The following CEP170 variants were observed in gnomAD, a reference collection of about 807,000 sequenced individuals.
CEP170 encodes the protein centrosomal protein of 170 kDa.
CEP170 carries 21 observed loss-of-function variants against 151.9 expected under a neutral mutation model. That is an observed-to-expected ratio of 0.14 (90% CI 0.10 to 0.20). The LOEUF is 0.20. Ranked by LOEUF, CEP170 falls within the 10% of genes least tolerant of loss-of-function variation. The probability of loss-of-function intolerance (pLI) is 1.00; values close to 1 mark genes in which losing one functional copy is unlikely to be tolerated. For synonymous variants in CEP170, 356 were observed against 648.8 expected, an observed-to-expected ratio of 0.55 and a Z score of 6.86; for missense variants, 964 against 1,892.9, an observed-to-expected ratio of 0.51 and a Z score of 9.11.
intron 1 of CEP170, among the ~76,000 whole-genome samples, chr1:243,249,711 T>C (rs1016919506): frequency 2.0e-5 from 3 of 152,222 alleles, no homozygotes; most frequent in Non-Finnish European, 4.4e-5. Context: ...AAAAGAATTA[T>C]CCATATCCTC....
chr1:243,211,078 T>C (rs1007925672), intron 4 of CEP170: 1 of 129,966 alleles, frequency 7.7e-6, no homozygotes, highest in African/African-American at 2.9e-5. Context: ...AAAGTCCCAA[T>C]AAAAGTAGTA....
chr1:243,228,758 G>A (rs2063493374), intron 1 of CEP170, among the ~76,000 whole-genome samples: 1 of 152,106 alleles, frequency 6.6e-6, no homozygotes, highest in African/African-American at 2.4e-5. Flanking sequence ...GAGTTAATAA[G>A]CATTATTCAT....
At chr1:243,251,622 T>C (rs1252068058) in intron 1 of CEP170, among the ~76,000 whole-genome samples, 1 of 152,172 alleles carries the variant, frequency 6.6e-6, no homozygotes, top group East Asian at 1.9e-4. Context: ...CAATAAATAT[T>C]GTGTTTCAAA....
intron 1 of CEP170, among the ~76,000 whole-genome samples, chr1:243,235,299 A>G (rs1472361310): frequency 6.6e-6 from 1 of 152,228 alleles, no homozygotes; most frequent in Non-Finnish European, 1.5e-5. Context: ...AGAAACTGAC[A>G]TATGCTTAGA....
chr1:243,194,714 G>C (rs1334449159), intron 7 of CEP170, among the ~76,000 whole-genome samples: 1 of 151,588 alleles, frequency 6.6e-6, no homozygotes, highest in African/African-American at 2.4e-5. Context: ...AACACTAACA[G>C]AACATATTCT....
At chr1:243,159,949 T>C (rs1287474547) in intron 13 of CEP170, among the ~76,000 whole-genome samples, 12 of 152,100 alleles carry the variant, frequency 7.9e-5, no homozygotes, top group Non-Finnish European at 1.8e-4. Flanking sequence ...CCACCATGTC[T>C]GGCTAATTTT....
intron 3 of CEP170, among the ~76,000 whole-genome samples, chr1:243,218,994 G>C (rs1383512727): frequency 1.3e-5 from 2 of 152,128 alleles, no homozygotes; most frequent in Non-Finnish European, 2.9e-5. Context: ...TGGATAATAA[G>C]AGTAAATAGG....
chr1:243,221,471 A>T (rs2062813354), intron 3 of CEP170: 1 of 441,324 alleles, frequency 2.3e-6, no homozygotes, highest in South Asian at 4.2e-5. Context: ...CCAACTCCTT[A>T]AAGAAGTCTT....
At chr1:243,142,690 T>C (rs2055990366) in intron 14 of CEP170, among the ~76,000 whole-genome samples, 1 of 152,220 alleles carries the variant, frequency 6.6e-6, no homozygotes, top group Non-Finnish European at 1.5e-5. Context: ...AAAAATGTAC[T>C]TTAAAAGCCC....
chr1:243,187,709 G>GAA (rs1248923105), intron 8 of CEP170, among the ~76,000 whole-genome samples: 8 of 152,164 alleles, frequency 5.3e-5, no homozygotes, highest in African/African-American at 1.9e-4. Flanking sequence ...TTTATAGGTT[G>GAA]TTCCTAATGA....
intron 11 of CEP170, among the ~76,000 whole-genome samples, 191 bp downstream of exon 11, chr1:243,172,506 C>G (rs2148619820): frequency 6.6e-6 from 1 of 152,272 alleles, no homozygotes; most frequent in Non-Finnish European, 1.5e-5. Context: ...GCGGTGCACG[C>G]CTGTAATCAC....
chr1:243,195,095 G>A (rs576018304), intron 7 of CEP170, among the ~76,000 whole-genome samples: 2 of 151,948 alleles, frequency 1.3e-5, no homozygotes, highest in South Asian at 2.1e-4. Context: ...AGCTCATTCT[G>A]CTTAAGACAT....
chr1:243,127,323 C>T (rs1305117363), intron 19 of CEP170, among the ~76,000 whole-genome samples: 1 of 152,172 alleles, frequency 6.6e-6, no homozygotes, highest in African/African-American at 2.4e-5. Flanking sequence ...AACAGACTTG[C>T]TGCCTATATG....
chr1:243,225,159 A>T lies in CEP170; in HGVS notation c.105+17T>A. ...AAGTTTTGAATAAACACATATAGAG[A>T]AGCTTGACACAATTACCTGCAACAT... On this transcript the variant is annotated intron_variant, in intron 2 of 19. Coordinates refer to ENST00000366542, the MANE Select transcript of CEP170 (RefSeq NM_014812.3). 6.6e-7 allele frequency: 1 copy of T among 1,510,590 alleles called. No individual in the cohort carries two copies. Among genetic ancestry groups the T allele is most frequent in the Non-Finnish European group, 9.0e-7 (1 of 1,110,042 alleles). The allele number at this position is 1,510,590 out of a possible 1,614,324, so 93.6% of individuals were successfully genotyped here. A position where few individuals can be genotyped will look rare whatever the true frequency, so the allele number is the denominator to read the frequency against.
chr1:243,154,774 T>C (rs1182012906), intron 14 of CEP170, among the ~76,000 whole-genome samples: 7 of 152,220 alleles, frequency 4.6e-5, no homozygotes, highest in African/African-American at 1.7e-4. Context: ...CCCTCTTCTC[T>C]TTGTATTACA....
At chr1:243,245,987 C>T (rs7548435) in intron 1 of CEP170, among the ~76,000 whole-genome samples, 10,983 of 151,380 alleles carry the variant, frequency 0.073, 1,301 homozygotes, top group African/African-American at 0.25. Context: ...AAAAAAGATA[C>T]GTAATATTCA....
intron 11 of CEP170, 147 bp from the exon 12 acceptor site, chr1:243,169,901 CTT>C (rs1467842914): frequency 7.5e-6 from 7 of 929,588 alleles, no homozygotes; most frequent in African/African-American, 1.7e-5. Flanking sequence ...TACATCTTCT[CTT>C]ATATAAAATA....
chr1:243,163,194 A>C (rs539798317), intron 13 of CEP170: 1 of 152,240 alleles, frequency 6.6e-6, no homozygotes, highest in African/African-American at 2.4e-5. Flanking sequence ...GGTGTGGTAG[A>C]TGTAAACCAA....
intron 3 of CEP170, among the ~76,000 whole-genome samples, chr1:243,213,288 C>T (rs1036262344): frequency 6.6e-6 from 1 of 151,846 alleles, no homozygotes; most frequent in Admixed American, 6.6e-5. Context: ...ACTGCAGTGG[C>T]CAAAATATTC....
Sources: gnomAD v4.1 joint callset for allele counts (sites outside exome capture counted in the v4.1 genomes callset) on GRCh38, gnomAD v4.1.1 for gene constraint, MANE v1.5 for transcripts, NCBI Gene and HGNC (gene_info 2026-07-23, HGNC 2026-07-21) for gene names.